The following DNAAF5 variants were observed in gnomAD, a reference collection of about 807,000 sequenced individuals.
DNAAF5 encodes the protein HEAT repeat containing 2.
Under a neutral mutation model 75.8 loss-of-function variants are expected in DNAAF5, and 64 were observed. The observed-to-expected ratio is 0.84, with a 90% CI of 0.69 to 1.04. DNAAF5 has a LOEUF of 1.04. Ranked by LOEUF, DNAAF5 falls within the 50% of genes least tolerant of loss-of-function variation. DNAAF5 has a pLI of 0.00. For missense variants in DNAAF5, 1,269 were observed against 1,178.5 expected (o/e 1.08, Z -1.12); for synonymous variants, 657 against 557.2 (o/e 1.18, Z -2.52).
At chr7:769,258 G>A (rs1023095701) in intron 8 of DNAAF5, 72 of 728,598 alleles carry the variant, frequency 9.9e-5, no homozygotes, top group Non-Finnish European at 1.5e-4. Context: ...ACACTGGCCC[G>A]GGGCCAGAGC....
chr7:782,952 C>T (rs1395121400), intron 12 of DNAAF5, among the ~76,000 whole-genome samples: 2 of 152,286 alleles, frequency 1.3e-5, no homozygotes, highest in African/African-American at 4.8e-5. Context: ...CTCGGATCGT[C>T]CTGGGGTGGC....
At chr7:728,423 A>G (rs1410591633) in intron 1 of DNAAF5, among the ~76,000 whole-genome samples, 2 of 152,172 alleles carry the variant, frequency 1.3e-5, no homozygotes, top group African/African-American at 4.8e-5. Context: ...TCAGGTTGTT[A>G]AAAGATCACT....
intron 2 of DNAAF5, among the ~76,000 whole-genome samples, chr7:735,775 A>T: frequency 6.6e-6 from 1 of 151,394 alleles, no homozygotes. Flanking sequence ...TTTTAATTTC[A>T]ATTTCATTTA....
chr7:730,435 G>T (rs188315398), intron 2 of DNAAF5, among the ~76,000 whole-genome samples: 57 of 152,296 alleles, frequency 3.7e-4, no homozygotes, highest in African/African-American at 1.1e-3. Flanking sequence ...TGATCTTTCT[G>T]TCTCTGAGTT....
intron 2 of DNAAF5, among the ~76,000 whole-genome samples, chr7:739,883 T>A (rs758634297): frequency 6.6e-6 from 1 of 152,180 alleles, no homozygotes; most frequent in Non-Finnish European, 1.5e-5. Context: ...TGGGCACAGC[T>A]GCTGCTCGGG....
chr7:756,371 ACTGTGG>A (rs1782484638), intron 5 of DNAAF5, among the ~76,000 whole-genome samples: 1 of 97,608 alleles, frequency 1.0e-5, no homozygotes. Context: ...TGTGGTGTCC[ACTGTGG>A]AATCCCACGG....
intron 4 of DNAAF5, among the ~76,000 whole-genome samples, chr7:744,046 G>A (rs1782006052): frequency 6.6e-6 from 1 of 151,422 alleles, no homozygotes; most frequent in South Asian, 2.1e-4. Flanking sequence ...CCATTAACTC[G>A]TCATTTAGCA....
At chr7:751,406 A>G (rs993005984) in intron 4 of DNAAF5, among the ~76,000 whole-genome samples, 2 of 150,728 alleles carry the variant, frequency 1.3e-5, no homozygotes, top group Non-Finnish European at 3.0e-5. Flanking sequence ...AGGCCGAGGC[A>G]GGAGGGTTAC....
At chr7:760,307 T>C (rs1782607275) in intron 6 of DNAAF5, among the ~76,000 whole-genome samples, 1 of 152,228 alleles carries the variant, frequency 6.6e-6, no homozygotes, top group South Asian at 2.1e-4. Context: ...ACCCATTGTC[T>C]AGCCAAATAA....
At chr7:771,699 A>G (rs1778570062) in intron 9 of DNAAF5, 1 of 152,238 alleles carries the variant, frequency 6.6e-6, no homozygotes, top group Non-Finnish European at 1.5e-5. Context: ...ATTTGTGTAG[A>G]TGCCATGCAG....
At chr7:753,259 C>T (rs1469994753) in intron 4 of DNAAF5, among the ~76,000 whole-genome samples, 1 of 152,190 alleles carries the variant, frequency 6.6e-6, no homozygotes, top group Non-Finnish European at 1.5e-5. Context: ...GGAGCGGGCA[C>T]TAAACTGGCA....
chr7:761,866 C>A lies in DNAAF5; in HGVS notation c.1584C>A (p.Ala528=). The A allele has an allele frequency of 6.3e-7, 1 of 1,586,124 alleles. No homozygotes were observed. Among genetic ancestry groups the A allele is most frequent in the Non-Finnish European group, 8.6e-7 (1 of 1,166,674 alleles). Residue 528 remains alanine (A), a synonymous_variant, in exon 7 of 13, where the codon GCC becomes GCA. Transcript: ENST00000297440. Reference sequence around the variant, plus strand: ...TGGACGTGCTGCTGACAATAGTGGCCCTCGCAGGTGCTACCGGCCTGAGGG... The same window carrying A: ...TGGACGTGCTGCTGACAATAGTGGCACTCGCAGGTGCTACCGGCCTGAGGG... ...QLLDVLLTIV[A]LAGATGLRDK... is the part of the protein sequence containing the mutation.
At chr7:782,183 G>C (rs971687277) in intron 12 of DNAAF5, among the ~76,000 whole-genome samples, 1 of 152,078 alleles carries the variant, frequency 6.6e-6, no homozygotes, top group Non-Finnish European at 1.5e-5. Flanking sequence ...CTCCCGACAC[G>C]CGGCGTCAGA....
chr7:761,716 T>C (rs749674258), intron 6 of DNAAF5, 37 bp from the exon 7 acceptor site: 1 of 1,567,080 alleles, frequency 6.4e-7, no homozygotes, highest in Non-Finnish European at 8.6e-7. Flanking sequence ...ACGACCAAAT[T>C]GTACCAAGCT....
intron 8 of DNAAF5, among the ~76,000 whole-genome samples, chr7:766,702 A>G (rs1014238937): frequency 2.0e-5 from 3 of 152,138 alleles, no homozygotes; most frequent in Non-Finnish European, 2.9e-5. Context: ...TGCTCTGATG[A>G]TAGAGGCTGA....
intron 9 of DNAAF5, chr7:771,208 C>T (rs971767883): frequency 1.3e-5 from 2 of 152,282 alleles, no homozygotes; most frequent in African/African-American, 4.8e-5. Context: ...TTTTAGGTGG[C>T]ATTAAGACCC....
intron 8 of DNAAF5, chr7:769,004 C>T (rs928806133): frequency 6.2e-5 from 38 of 609,422 alleles, no homozygotes; most frequent in Admixed American, 9.9e-5. Flanking sequence ...ACGCCTCCTG[C>T]CCGGCTGCGT....
At chr7:738,038 A>G (rs1021345647) in intron 2 of DNAAF5, among the ~76,000 whole-genome samples, 1 of 152,332 alleles carries the variant, frequency 6.6e-6, no homozygotes, top group South Asian at 2.1e-4. Context: ...CTTGAAGGCC[A>G]GGAACTCTTA....
chr7:756,959 C>G lies in DNAAF5; in HGVS notation c.1435C>G (p.Leu479Val), dbSNP rs769427761. ...GCACCTGGCAGCCATCGCCACAGAG[C>G]TGGCACAGGCCCACATCTGCCAGGC... is the stretch of plus-strand genomic sequence containing the variant. ...QPHLAAIATE[L>V]AQAHICQASE... The change falls in exon 6 of 13, where the codon CTG becomes GTG. Residue 479 changes from leucine (L) to valine (V), a missense_variant. Coordinates refer to ENST00000297440, the MANE Select transcript of DNAAF5 (RefSeq NM_017802.4). 28 of 1,606,356 alleles carry G rather than the reference C, an allele frequency of 1.7e-5. No homozygotes were observed. The highest frequency in any genetic ancestry group is 1.0e-4 in the Admixed American group (6 of 59,980).
Sources: allele counts gnomAD v4.1 joint callset (sites outside exome capture counted in the v4.1 genomes callset), GRCh38; gene constraint gnomAD v4.1.1; transcripts MANE v1.5; gene names NCBI Gene and HGNC (gene_info 2026-07-23, HGNC 2026-07-21).